RBBP8: variants seen among roughly 807,000 people sequenced by gnomAD.
The protein encoded by RBBP8 is RB binding protein 8, endonuclease, also known as DNA endonuclease RBBP8.
A neutral mutation model predicts 108.3 loss-of-function variants in RBBP8; 88 were observed. The observed-to-expected ratio is 0.81, with a 90% CI of 0.68 to 0.97. RBBP8 has a LOEUF of 0.97. Ranked by LOEUF, RBBP8 falls within the 50% of genes least tolerant of loss-of-function variation. The probability of loss-of-function intolerance (pLI) is 0.00; values close to 1 mark genes in which losing one functional copy is unlikely to be tolerated. For missense variants in RBBP8, 1,023 were observed against 1,049.0 expected, an observed-to-expected ratio of 0.98 and a Z score of 0.34; for synonymous variants, 332 against 348.2, an observed-to-expected ratio of 0.95 and a Z score of 0.52.
chr18:22,946,598 T>G, intron 3 of RBBP8, 112 bp downstream of exon 3: 1 of 1,463,952 alleles, frequency 6.8e-7, no homozygotes, highest in Non-Finnish European at 9.2e-7. Context: ...CCTTAATGTC[T>G]TATTTATAAA....
At chr18:22,985,816 C>G (rs1567978529) in intron 8 of RBBP8, among the ~76,000 whole-genome samples, 1 of 152,016 alleles carries the variant, frequency 6.6e-6, no homozygotes, top group Non-Finnish European at 1.5e-5. Flanking sequence ...AGGTCATCAG[C>G]AGGTAGATGG....
chr18:23,018,095 A>T (rs2046292011), intron 17 of RBBP8, among the ~76,000 whole-genome samples: 1 of 151,754 alleles, frequency 6.6e-6, no homozygotes, highest in South Asian at 2.1e-4. Flanking sequence ...CTTGTTGCCT[A>T]GGCTGGAGCA....
intron 5 of RBBP8, 56 bp from the exon 6 acceptor site, chr18:22,975,097 A>G: frequency 6.6e-7 from 1 of 1,517,930 alleles, no homozygotes; most frequent in East Asian, 2.4e-5. Flanking sequence ...TTGAAAGCCT[A>G]ACATAGATGT....
chr18:22,927,366 G>A (rs1299290465), intron 3 of RBBP8, among the ~76,000 whole-genome samples: 1 of 152,206 alleles, frequency 6.6e-6, no homozygotes, highest in East Asian at 1.9e-4. Flanking sequence ...GATGGGAAAT[G>A]CCCAGCACAA....
intron 2 of RBBP8, chr18:22,937,203 C>A (rs1398200577): frequency 1.2e-5 from 7 of 586,056 alleles, no homozygotes; most frequent in South Asian, 7.8e-5. Context: ...CCTCTTCCCA[C>A]CCCCCTGACC....
intron 2 of RBBP8, among the ~76,000 whole-genome samples, chr18:22,937,757 C>T (rs779146906): frequency 4.0e-4 from 60 of 151,408 alleles, no homozygotes; most frequent in Admixed American, 7.9e-4. Flanking sequence ...GGATTACAGA[C>T]GTGAGCCACT....
At chr18:22,985,984 A>G in intron 8 of RBBP8, among the ~76,000 whole-genome samples, 1 of 149,478 alleles carries the variant, frequency 6.7e-6, no homozygotes, top group African/African-American at 2.5e-5. Flanking sequence ...ATTTTTAGAC[A>G]TTTCCCCCCT....
intron 7 of RBBP8, among the ~76,000 whole-genome samples, chr18:22,983,993 C>T (rs762284924): frequency 6.6e-6 from 1 of 152,068 alleles, no homozygotes. Context: ...AAGCAGGAGA[C>T]TTGCTTGAAC....
chr18:23,021,418 A>G (rs1035449713), intron 17 of RBBP8, among the ~76,000 whole-genome samples: 3 of 152,038 alleles, frequency 2.0e-5, no homozygotes, highest in East Asian at 3.9e-4. Context: ...CTGTCTCTCA[A>G]AAAAAAAGTG....
At chr18:22,980,965 C>CTTTTTT (rs1167377654) in intron 6 of RBBP8, among the ~76,000 whole-genome samples, 25,099 of 68,814 alleles carry the variant, frequency 0.36, 9,690 homozygotes, top group Non-Finnish European at 0.48. Context: ...CCACTTATGT[C>CTTTTTT]TTTTTTTTTT....
At chr18:22,957,784 C>T (rs1912712702) in intron 4 of RBBP8, among the ~76,000 whole-genome samples, 1 of 151,992 alleles carries the variant, frequency 6.6e-6, no homozygotes. Flanking sequence ...AAAATTGACC[C>T]TTTTTCACAG....
chr18:22,991,178 T>G, intron 10 of RBBP8, 129 bp downstream of exon 10: 1 of 754,632 alleles, frequency 1.3e-6, no homozygotes, highest in Non-Finnish European at 2.2e-6. Flanking sequence ...AAATGTTTAC[T>G]TTAAAAATTG....
At position 22,993,493 on chromosome 18, in the gene RBBP8, C is replaced by T; in HGVS notation, c.1666C>T (p.Gln556Ter). Residue 556 changes from glutamine (Q) to a stop codon, truncating the protein, a stop_gained, in exon 11 of 19, where the codon CAG (glutamine) becomes TAG (stop). Coordinates refer to ENST00000327155, the MANE Select transcript of RBBP8 (RefSeq NM_002894.3). LOFTEE classifies it high-confidence loss of function. ...PKDSPGEPCS[Q>*]ECIILQPLNK... is the part of the protein sequence containing the mutation. ...AGATTCCCCAGGGGAGCCCTGTTCA[C>T]AGGAATGCATCATCCTTCAGCCCTT... The T allele has an allele frequency of 1.2e-6, 2 of 1,614,064 alleles. No individual in the cohort carries two copies. Among genetic ancestry groups the T allele is most frequent in the Non-Finnish European group, 1.7e-6 (2 of 1,179,996 alleles).
intron 3 of RBBP8, among the ~76,000 whole-genome samples, chr18:22,922,877 A>G (rs1459264736): frequency 6.6e-6 from 1 of 152,228 alleles, no homozygotes; most frequent in African/African-American, 2.4e-5. Flanking sequence ...TTGGAATATA[A>G]TAAAACTAAT....
intron 3 of RBBP8, among the ~76,000 whole-genome samples, chr18:22,924,840 G>T (rs1202369074): frequency 1.3e-5 from 2 of 152,066 alleles, no homozygotes; most frequent in Non-Finnish European, 2.9e-5. Flanking sequence ...GTAAGCTAGG[G>T]CATATGATCA....
intron 15 of RBBP8, chr18:23,004,756 C>G (rs1347430609): frequency 1.3e-5 from 2 of 152,284 alleles, no homozygotes; most frequent in African/African-American, 4.8e-5. Context: ...AACTGGCCCA[C>G]TTCAAAAATG....
At chr18:22,929,030 G>C (rs1909897893), upstream of RBBP8, among the ~76,000 whole-genome samples, 1 of 152,150 alleles carries the variant, frequency 6.6e-6, no homozygotes, top group African/African-American at 2.4e-5. Context: ...TAATGGTTTA[G>C]ATGTTGGGCA....
chr18:22,948,212 T>G (rs1463382310), intron 3 of RBBP8, among the ~76,000 whole-genome samples: 3 of 152,228 alleles, frequency 2.0e-5, no homozygotes, highest in African/African-American at 7.2e-5. Context: ...TTAAGTTAAA[T>G]ATTAAATTTG....
chr18:23,003,710 G>A (rs1470509773), intron 15 of RBBP8, among the ~76,000 whole-genome samples: 1 of 152,092 alleles, frequency 6.6e-6, no homozygotes, highest in Non-Finnish European at 1.5e-5. Context: ...TTATTCCCTA[G>A]TTATAACTTA....
Sources: allele counts gnomAD v4.1 joint callset (sites outside exome capture counted in the v4.1 genomes callset), GRCh38; gene constraint gnomAD v4.1.1; transcripts MANE v1.5; gene names NCBI Gene and HGNC (gene_info 2026-07-23, HGNC 2026-07-21).